Variants in C1orf146 observed in about 807,000 individuals in gnomAD.
The protein encoded by C1orf146 is chromosome 1 open reading frame 146.
Under a neutral mutation model 23.0 loss-of-function variants are expected in C1orf146, and 22 were observed. The ratio of observed to expected loss-of-function variants is 0.96; its 90% CI spans 0.68 to 1.36. The LOEUF (loss-of-function observed/expected upper bound fraction) is 1.36. Among genes scored for constraint, C1orf146 ranks in the 40% most tolerant of loss-of-function variants. The pLI, the probability that C1orf146 is intolerant of heterozygous loss-of-function variation, is 0.00. For missense variants in C1orf146, 199 were observed against 206.8 expected (o/e 0.96, Z 0.23); for synonymous variants, 59 against 65.3 (o/e 0.90, Z 0.47).
chr1:92,237,924 C>G (rs1055273801), intron 2 of C1orf146, among the ~76,000 whole-genome samples: 1 of 151,910 alleles, frequency 6.6e-6, no homozygotes, highest in Non-Finnish European at 1.5e-5. Context: ...GATAGACATA[C>G]TAGTTTTTGT....
intron 1 of C1orf146, chr1:92,229,144 G>A (rs1570789232): frequency 1.3e-5 from 7 of 521,124 alleles, no homozygotes; most frequent in African/African-American, 1.9e-5. Flanking sequence ...TTTCGCTCTC[G>A]GGGTGCAATG....
At chr1:92,226,151 C>T (rs1030983399) in intron 1 of C1orf146, among the ~76,000 whole-genome samples, 1 of 152,162 alleles carries the variant, frequency 6.6e-6, no homozygotes, top group Admixed American at 6.5e-5. Context: ...CTAAATGTCT[C>T]ATGTCTCTTT....
In C1orf146 at chr1:92,244,291, A is replaced by G; in HGVS notation, c.235A>G (p.Lys79Glu). 8 of 1,610,746 alleles carry G rather than the reference A, an allele frequency of 5.0e-6. No individual in the cohort carries two copies. Among genetic ancestry groups the G allele is most frequent in the Non-Finnish European group, 6.8e-6 (8 of 1,177,438 alleles). The change falls in exon 4 of 6, where the codon AAA becomes GAA. Residue 79 changes from lysine (K) to glutamate (E), a missense_variant. Lys to Glu is a moderately conservative substitution (Grantham distance 56). Coordinates refer to ENST00000370375, the MANE Select transcript of C1orf146 (RefSeq NM_001012425.2). ...AGAAATATTTCTAGCCAAAATTGAG[A>G]AATTTATTAACATTCACCAAAATAG... ...TEEIFLAKIE[K>E]FINIHQNSFL...
At chr1:92,223,794 A>G (rs963743943) in intron 1 of C1orf146, among the ~76,000 whole-genome samples, 1 of 152,024 alleles carries the variant, frequency 6.6e-6, no homozygotes, top group Non-Finnish European at 1.5e-5. Context: ...TCAGCCTCCC[A>G]AAGTGCTGGG....
At chr1:92,219,535 G>T (rs1045647674) in intron 1 of C1orf146, among the ~76,000 whole-genome samples, 1 of 105,664 alleles carries the variant, frequency 9.5e-6, no homozygotes, top group Admixed American at 1.5e-4. Context: ...ACAGAGTCTC[G>T]CTCTATCACC....
chr1:92,230,770 TA>T lies in C1orf146; in HGVS notation c.-39-603del, dbSNP rs556414831. On this transcript the variant is annotated intron_variant, in intron 1 of 5. Coordinates refer to ENST00000370375, the MANE Select transcript of C1orf146 (RefSeq NM_001012425.2). ...GTGGGTAAAAGAGTGAGACCCTCTT[TA>T]AAAAAAAATGCAAATATTCAGGTCC... 2.6e-3 allele frequency among the ~76,000 whole-genome samples: 399 copies of T among 151,200 alleles called. 3 individuals carry two copies. The highest frequency in any genetic ancestry group is 9.8e-3 in the South Asian group (47 of 4,794).
At chr1:92,220,737 G>T (rs536925323) in intron 1 of C1orf146, among the ~76,000 whole-genome samples, 2 of 152,084 alleles carry the variant, frequency 1.3e-5, no homozygotes, top group Non-Finnish European at 1.5e-5. Context: ...TACTGTGACC[G>T]CCAATTCTAA....
chr1:92,219,321 C>G (rs1285661403), intron 1 of C1orf146, among the ~76,000 whole-genome samples: 4 of 152,020 alleles, frequency 2.6e-5, no homozygotes, highest in Non-Finnish European at 4.4e-5. Flanking sequence ...TGTCCCTGCT[C>G]TCATGGAGCT....
chr1:92,238,355 G>T (rs1652347904), intron 2 of C1orf146, among the ~76,000 whole-genome samples: 1 of 152,110 alleles, frequency 6.6e-6, no homozygotes, highest in Non-Finnish European at 1.5e-5. Flanking sequence ...TTTTGGTTTG[G>T]TTTTCTTTTT....
In C1orf146 at chr1:92,244,402, T is replaced by TTA; in HGVS notation, c.329+20_329+21dup. 6.5e-7 allele frequency: 1 copy of TTA among 1,540,638 alleles called. No homozygotes were observed. The highest frequency in any genetic ancestry group is 8.7e-7 in the Non-Finnish European group (1 of 1,144,178). The stretch of plus-strand genomic sequence containing the variant: ...TCAGCAGAGGTATGGAAGAATAGCA[T>TTA]TATAGACTTATTTTTCTTATATTGT... On this transcript the variant is annotated intron_variant, in intron 4 of 5. Coordinates refer to ENST00000370375, the MANE Select transcript of C1orf146 (RefSeq NM_001012425.2).
At chr1:92,243,466 C>T (rs926535192) in intron 3 of C1orf146, among the ~76,000 whole-genome samples, 1 of 152,162 alleles carries the variant, frequency 6.6e-6, no homozygotes, top group Admixed American at 6.5e-5. Context: ...CCTGCCTCAG[C>T]CTCCTCAGTA....
Position 92,242,287 on chromosome 1 carries a change from A to G in C1orf146, c.142A>G (p.Ile48Val), listed in dbSNP as rs1652450587. 6.3e-7 allele frequency: 1 copy of G among 1,592,692 alleles called. No individual in the cohort carries two copies. The highest frequency in any genetic ancestry group is 8.6e-7 in the Non-Finnish European group (1 of 1,165,744). ...TTCAGATTCAGTGGAAAATGGATCA[A>G]TTATATTTTCTCTTTCTGGTATGGT... ...RYSDSVENGS[I>V]IFSLSGVAFL... The change falls in exon 3 of 6, where the codon ATT becomes GTT. Residue 48 changes from isoleucine (I) to valine (V), a missense_variant. Ile to Val is a conservative substitution (Grantham distance 29, BLOSUM62 3). Transcript: ENST00000370375.
chr1:92,219,521 T>TTTTTTTA (rs1553129352), intron 1 of C1orf146, among the ~76,000 whole-genome samples: 1 of 141,994 alleles, frequency 7.0e-6, no homozygotes, highest in African/African-American at 2.8e-5. Context: ...TTTTTTTTTT[T>TTTTTTTA]AAGACAGAGT....
intron 2 of C1orf146, among the ~76,000 whole-genome samples, chr1:92,236,248 G>A (rs950823415): frequency 4.6e-5 from 7 of 151,898 alleles, no homozygotes; most frequent in Admixed American, 1.3e-4. Flanking sequence ...GGCTGGTACC[G>A]GTTGTTCCTT....
chr1:92,236,061 C>A (rs1652268417), intron 2 of C1orf146, among the ~76,000 whole-genome samples: 1 of 151,996 alleles, frequency 6.6e-6, no homozygotes, highest in Non-Finnish European at 1.5e-5. Context: ...TGACTCTATC[C>A]AATTTGCCAT....
intron 2 of C1orf146, among the ~76,000 whole-genome samples, chr1:92,239,384 G>T (rs758459421): frequency 6.6e-6 from 1 of 152,140 alleles, no homozygotes; most frequent in Non-Finnish European, 1.5e-5. Context: ...CCCTTGAGAG[G>T]TTTTAATTCT....
chr1:92,245,697 CGAA>C lies in C1orf146; in HGVS notation c.*27_*29del. 1.4e-6 allele frequency: 2 copies of C among 1,459,524 alleles called. No homozygotes were observed. Among genetic ancestry groups the C allele is most frequent in the Non-Finnish European group, 1.8e-6 (2 of 1,086,776 alleles). 90.4% of individuals were successfully genotyped at this position (1,459,524 alleles called of 1,614,324 possible). A position where few individuals can be genotyped will look rare whatever the true frequency, so the allele number is the denominator to read the frequency against. On this transcript the variant is annotated 3_prime_UTR_variant, in exon 6 of 6. Transcript: ENST00000370375. The stretch of plus-strand genomic sequence containing the variant: ...TAGAGTACCAACTTAATGTTTTTCT[CGAA>C]GAATGTGAAAATAATTAGACCTGTT...
intron 2 of C1orf146, among the ~76,000 whole-genome samples, chr1:92,234,176 C>G (rs959272234): frequency 3.9e-5 from 6 of 152,270 alleles, no homozygotes; most frequent in Middle Eastern, 3.4e-3. Flanking sequence ...AGAGGGCATC[C>G]CTGTCTTGTG....
Position 92,228,784 on chromosome 1 carries a change from G to T in C1orf146, c.-39-2598G>T, listed in dbSNP as rs540930112. Among the ~76,000 whole-genome samples the T allele has an allele frequency of 9.2e-5, 14 of 152,294 alleles. No individual in the cohort carries two copies. The South Asian group carries it at 2.9e-3, about 32-fold the overall frequency. The stretch of plus-strand genomic sequence containing the variant: ...GGTTGAAATCAAAGATATGTACAGG[G>T]TATTAAACAAATACCAAGGGGAACA... On this transcript the variant is annotated intron_variant, in intron 1 of 5. Transcript: ENST00000370375.
Sources: gnomAD v4.1 joint callset for allele counts (sites outside exome capture counted in the v4.1 genomes callset) on GRCh38, gnomAD v4.1.1 for gene constraint, MANE v1.5 for transcripts, NCBI Gene and HGNC (gene_info 2026-07-23, HGNC 2026-07-21) for gene names.